The following GALNTL6 variants were observed in gnomAD, a reference collection of about 807,000 sequenced individuals.
GALNTL6 encodes polypeptide N-acetylgalactosaminyltransferase like 6.
A neutral mutation model predicts 73.7 loss-of-function variants in GALNTL6; 46 were observed. That is an observed-to-expected ratio of 0.62 (90% CI 0.49 to 0.80). The LOEUF is 0.80. Ranked by LOEUF, GALNTL6 falls within the 30% of genes least tolerant of loss-of-function variation. The pLI, the probability that GALNTL6 is intolerant of heterozygous loss-of-function variation, is 0.00. For synonymous variants in GALNTL6, 259 were observed against 263.7 expected, an observed-to-expected ratio of 0.98 and a Z score of 0.17; for missense variants, 604 against 755.0, an observed-to-expected ratio of 0.80 and a Z score of 2.34.
chr4:172,596,894 A>C (rs1007309027), intron 5 of GALNTL6, among the ~76,000 whole-genome samples: 4 of 152,208 alleles, frequency 2.6e-5, no homozygotes, highest in Admixed American at 1.3e-4. Flanking sequence ...GAGTAATTCT[A>C]GACAAGGAGA....
intron 2 of GALNTL6, among the ~76,000 whole-genome samples, chr4:171,968,118 A>G (rs895608374): frequency 1.3e-5 from 2 of 150,554 alleles, no homozygotes; most frequent in African/African-American, 4.9e-5. Flanking sequence ...TTCCCTCTCC[A>G]CTTTTTATTC....
intron 5 of GALNTL6, among the ~76,000 whole-genome samples, chr4:172,745,456 T>TATATATATATATATATATATA (rs1737060440): frequency 1.5e-5 from 2 of 134,432 alleles, no homozygotes; most frequent in African/African-American, 3.3e-5. Flanking sequence ...TACACATAAC[T>TATATATATATATATATATATA]TTTATAATTA....
intron 5 of GALNTL6, among the ~76,000 whole-genome samples, chr4:172,751,472 T>C (rs1202659333): frequency 6.6e-6 from 1 of 152,184 alleles, no homozygotes; most frequent in East Asian, 1.9e-4. Context: ...TTCTCTGTCA[T>C]TGTGTGAGAT....
chr4:171,960,694 A>T (rs1364829186), intron 2 of GALNTL6, among the ~76,000 whole-genome samples: 2 of 52,982 alleles, frequency 3.8e-5, no homozygotes, highest in Non-Finnish European at 4.4e-5. Flanking sequence ...TATTTAAAAA[A>T]AAAAAAAAAA....
intron 2 of GALNTL6, among the ~76,000 whole-genome samples, chr4:171,908,543 G>T (rs907653520): frequency 1.3e-5 from 2 of 151,934 alleles, no homozygotes; most frequent in African/African-American, 2.4e-5. Flanking sequence ...TACACTGTTG[G>T]TGGGACTGTA....
intron 2 of GALNTL6, chr4:171,815,266 G>A (rs1411657737): frequency 6.5e-6 from 1 of 155,010 alleles, no homozygotes; most frequent in Non-Finnish European, 1.4e-5. Context: ...CTAAGGTGCT[G>A]CCATGGGGCA....
intron 5 of GALNTL6, among the ~76,000 whole-genome samples, chr4:172,565,100 G>A (rs1259234297): frequency 1.3e-5 from 2 of 152,112 alleles, no homozygotes; most frequent in Non-Finnish European, 2.9e-5. Context: ...TGGAAGAAGG[G>A]GCAAGGCAAT....
chr4:172,781,816 T>TATAC (rs1233598214), intron 5 of GALNTL6, among the ~76,000 whole-genome samples: 8 of 152,106 alleles, frequency 5.3e-5, no homozygotes, highest in Admixed American at 5.2e-4. Context: ...TTTTACCCTA[T>TATAC]ATACTTTGGT....
chr4:172,339,568 C>G (rs887992502), intron 4 of GALNTL6, among the ~76,000 whole-genome samples: 1 of 152,144 alleles, frequency 6.6e-6, no homozygotes, highest in Non-Finnish European at 1.5e-5. Flanking sequence ...GAGTGACTGA[C>G]TCTGTATGCT....
rs568196390 is a variant in GALNTL6, at chr4:172,278,350, A to T, written c.248-33264A>T. ...TTTGCATCTCTGGCTAAGTCTTCACATATTCATTCCAATAACTATAAATTG... is the reference window on the plus strand; with the variant it reads ...TTTGCATCTCTGGCTAAGTCTTCACTTATTCATTCCAATAACTATAAATTG... On this transcript the variant is annotated intron_variant, in intron 3 of 12. Coordinates refer to ENST00000506823, the MANE Select transcript of GALNTL6 (RefSeq NM_001034845.3). Among the ~76,000 whole-genome samples, 22 of 152,292 alleles carry T rather than the reference A, an allele frequency of 1.4e-4. No individual in the cohort carries two copies. In the East Asian group the frequency reaches 4.0e-3, roughly 28 times the overall value.
chr4:172,421,539 A>G (rs938616271), intron 5 of GALNTL6, among the ~76,000 whole-genome samples: 7 of 151,932 alleles, frequency 4.6e-5, no homozygotes, highest in Admixed American at 4.6e-4. Flanking sequence ...TTATAAATTC[A>G]TAATTTATAG....
intron 2 of GALNTL6, among the ~76,000 whole-genome samples, chr4:172,105,568 G>C (rs1195949946): frequency 1.3e-5 from 2 of 151,442 alleles, no homozygotes; most frequent in Admixed American, 1.3e-4. Context: ...GCATTGCATT[G>C]ATAATAATCA....
intron 2 of GALNTL6, among the ~76,000 whole-genome samples, chr4:171,870,403 T>G (rs556451895): frequency 2.8e-4 from 43 of 152,336 alleles, no homozygotes; most frequent in African/African-American, 9.4e-4. Flanking sequence ...ACCCATGCCC[T>G]TGATGACAAA....
intron 12 of GALNTL6, among the ~76,000 whole-genome samples, chr4:173,034,512 C>T (rs988260961): frequency 2.0e-5 from 3 of 152,190 alleles, no homozygotes; most frequent in Admixed American, 1.3e-4. Context: ...TCACCTCTGA[C>T]AACATCTCCT....
At chr4:172,406,904 G>A (rs1744258581) in intron 5 of GALNTL6, among the ~76,000 whole-genome samples, 1 of 151,878 alleles carries the variant, frequency 6.6e-6, no homozygotes, top group African/African-American at 2.4e-5. Flanking sequence ...TAGCTTTCGT[G>A]TCTTTAAATG....
At chr4:172,585,720 T>C (rs1481458478) in intron 5 of GALNTL6, among the ~76,000 whole-genome samples, 1 of 152,156 alleles carries the variant, frequency 6.6e-6, no homozygotes, top group Non-Finnish European at 1.5e-5. Context: ...TAAGCATACA[T>C]GTGCATGTGT....
chr4:172,793,173 T>C (rs2110936252), intron 5 of GALNTL6, among the ~76,000 whole-genome samples: 2 of 152,340 alleles, frequency 1.3e-5, no homozygotes, highest in East Asian at 3.9e-4. Flanking sequence ...GCATTTCTAG[T>C]ATTGACTTTG....
intron 10 of GALNTL6, among the ~76,000 whole-genome samples, chr4:172,973,970 T>TA (rs1750694501): frequency 6.6e-6 from 1 of 152,216 alleles, no homozygotes; most frequent in Admixed American, 6.5e-5. Flanking sequence ...GATTGGCTCA[T>TA]AAAAATGTTC....
At chr4:172,899,800 A>C (rs1322861640) in intron 8 of GALNTL6, among the ~76,000 whole-genome samples, 1 of 152,216 alleles carries the variant, frequency 6.6e-6, no homozygotes, top group Non-Finnish European at 1.5e-5. Context: ...TTTGCTAAAC[A>C]AGGGGTAGAT....
Sources: allele counts gnomAD v4.1 joint callset (sites outside exome capture counted in the v4.1 genomes callset), GRCh38; gene constraint gnomAD v4.1.1; transcripts MANE v1.5; gene names NCBI Gene and HGNC (gene_info 2026-07-23, HGNC 2026-07-21).